CAMK1D: variants seen among roughly 807,000 people sequenced by gnomAD.
CAMK1D encodes calcium/calmodulin-dependent protein kinase type 1D.
CAMK1D carries 9 observed loss-of-function variants against 47.7 expected under a neutral mutation model. The observed-to-expected ratio is 0.19, with a 90% CI of 0.11 to 0.33. The LOEUF (loss-of-function observed/expected upper bound fraction) is 0.33. CAMK1D is among the 10% of genes least tolerant of loss of function. The pLI is 1.00. For synonymous variants in CAMK1D, 184 were observed against 184.9 expected (o/e 0.99, Z 0.04); for missense variants, 291 against 488.7 (o/e 0.60, Z 3.81).
At chr10:12,547,014 G>C (rs563730544) in intron 1 of CAMK1D, among the ~76,000 whole-genome samples, 29 of 152,264 alleles carry the variant, frequency 1.9e-4, no homozygotes, top group African/African-American at 5.3e-4. Flanking sequence ...ACCAGAAGGG[G>C]CTCAGACTGT....
At chr10:12,587,689 C>T (rs888606220) in intron 2 of CAMK1D, among the ~76,000 whole-genome samples, 1 of 152,150 alleles carries the variant, frequency 6.6e-6, no homozygotes, top group African/African-American at 2.4e-5. Flanking sequence ...CTCATGCAGG[C>T]TGCAGTGGAA....
chr10:12,730,041 C>T (rs76967726), intron 3 of CAMK1D, among the ~76,000 whole-genome samples: 195 of 152,226 alleles, frequency 1.3e-3, no homozygotes, highest in African/African-American at 4.6e-3. Context: ...ATCCCACTTG[C>T]GTTTGAACAG....
At chr10:12,786,241 A>G (rs1837717128) in intron 5 of CAMK1D, among the ~76,000 whole-genome samples, 2 of 152,234 alleles carry the variant, frequency 1.3e-5, no homozygotes, top group African/African-American at 2.4e-5. Flanking sequence ...GCTGGGTGAC[A>G]TGTCACTTCT....
At chr10:12,630,846 CCATTTTTAGGGTGGGAGG>C (rs1839360232) in intron 2 of CAMK1D, among the ~76,000 whole-genome samples, 1 of 152,124 alleles carries the variant, frequency 6.6e-6, no homozygotes, top group Non-Finnish European at 1.5e-5. Flanking sequence ...TTGTAAAATG[CCATTTTTAGGGTGGGAGG>C]CTGTGGACTT....
chr10:12,544,043 G>A lies in CAMK1D; in HGVS notation c.93-9182G>A, dbSNP rs1002812620. Among the ~76,000 whole-genome samples, 11 of 152,150 alleles carry A rather than the reference G, an allele frequency of 7.2e-5. No individual in the cohort carries two copies. In the South Asian group the frequency reaches 8.3e-4, roughly 11 times the overall value. On this transcript the variant is annotated intron_variant, in intron 1 of 10. Transcript: ENST00000619168. ...TCAGCTCTCAAAAGATTATTTCCTC[G>A]CAGGCACCTGGCTTACAATCAGGAT... is the stretch of plus-strand genomic sequence containing the variant.
Position 12,525,819 on chromosome 10 carries a change from G to A in CAMK1D, c.93-27406G>A, listed in dbSNP as rs541451128. On this transcript the variant is annotated intron_variant, in intron 1 of 10. Coordinates refer to ENST00000619168, the MANE Select transcript of CAMK1D (RefSeq NM_153498.4). ...GTTGCCCAAACTGGAATGTAGTGGC[G>A]TGATCTCCGCTCAGTACAACCTCCA... Among the ~76,000 whole-genome samples the A allele has an allele frequency of 3.3e-5, 5 of 152,192 alleles. No individual in the cohort carries two copies. The South Asian group carries it at 8.3e-4, about 25-fold the overall frequency.
chr10:12,456,833 T>C (rs1197423490), intron 1 of CAMK1D, among the ~76,000 whole-genome samples: 2 of 145,750 alleles, frequency 1.4e-5, no homozygotes, highest in Admixed American at 6.8e-5. Context: ...TAAACAACCC[T>C]ACAGGAGGGG....
chr10:12,464,564 C>A (rs1298854255), intron 1 of CAMK1D, among the ~76,000 whole-genome samples: 1 of 152,178 alleles, frequency 6.6e-6, no homozygotes, highest in African/African-American at 2.4e-5. Flanking sequence ...GCCTGTAATC[C>A]CAGTACTTTG....
At chr10:12,454,587 C>T (rs895333672) in intron 1 of CAMK1D, among the ~76,000 whole-genome samples, 35 of 152,004 alleles carry the variant, frequency 2.3e-4, no homozygotes, top group African/African-American at 8.0e-4. Flanking sequence ...CTCAGCCTCC[C>T]GAGTAGCTGG....
At chr10:12,621,815 A>ATG (rs200674998) in intron 2 of CAMK1D, among the ~76,000 whole-genome samples, 86 of 120,506 alleles carry the variant, frequency 7.1e-4, no homozygotes, top group African/African-American at 2.1e-3. Flanking sequence ...GTGTGTGTGT[A>ATG]TGTGTGTGTG....
At chr10:12,390,212 A>G in intron 1 of CAMK1D, among the ~76,000 whole-genome samples, 1 of 152,194 alleles carries the variant, frequency 6.6e-6, no homozygotes, top group East Asian at 1.9e-4. Context: ...CAGTGGCCGA[A>G]GAACTATAAA....
chr10:12,762,657 G>C (rs904912799), intron 4 of CAMK1D, among the ~76,000 whole-genome samples: 14 of 152,310 alleles, frequency 9.2e-5, no homozygotes, highest in African/African-American at 2.6e-4. Flanking sequence ...ACTGCTCTTG[G>C]AAAACCACTG....
At position 12,791,187 on chromosome 10, in the gene CAMK1D, A is replaced by G. The variant is rs560397402; in HGVS notation, c.595A>G (p.Ser199Gly). 6.2e-7 allele frequency: 1 copy of G among 1,614,194 alleles called. No individual in the cohort carries two copies. Among genetic ancestry groups the G allele is most frequent in the Non-Finnish European group, 8.5e-7 (1 of 1,180,010 alleles). The change falls in exon 6 of 11, where the codon AGC (serine) becomes GGC (glycine). Residue 199 changes from serine to glycine, a missense_variant. Coordinates refer to ENST00000619168, the MANE Select transcript of CAMK1D (RefSeq NM_153498.4). ...TGAAGTCCTCGCCCAGAAACCTTAC[A>G]GCAAAGCCGTTGACTGCTGGTCCAT... ...APEVLAQKPY[S>G]KAVDCWSIGV...
At chr10:12,435,741 G>A (rs897134683) in intron 1 of CAMK1D, among the ~76,000 whole-genome samples, 6 of 152,188 alleles carry the variant, frequency 3.9e-5, no homozygotes, top group African/African-American at 1.2e-4. Context: ...GTGGCTGGAG[G>A]TATTTTCAGA....
chr10:12,380,217 A>G (rs1354810479), intron 1 of CAMK1D, among the ~76,000 whole-genome samples: 1 of 152,176 alleles, frequency 6.6e-6, no homozygotes, highest in Non-Finnish European at 1.5e-5. Flanking sequence ...TCTATCTCAA[A>G]AAAAAAGAAG....
chr10:12,693,587 G>T (rs1308837008), intron 3 of CAMK1D, among the ~76,000 whole-genome samples: 1 of 151,778 alleles, frequency 6.6e-6, no homozygotes, highest in Admixed American at 6.6e-5. Flanking sequence ...AGCTATAATT[G>T]TACCACTGCA....
At chr10:12,416,085 T>C (rs1319923464) in intron 1 of CAMK1D, 1 of 152,214 alleles carries the variant, frequency 6.6e-6, no homozygotes, top group Admixed American at 6.5e-5. Context: ...TGGGTTAGTC[T>C]TGTGCTACGA....
chr10:12,551,196 G>A lies in CAMK1D; in HGVS notation c.93-2029G>A, dbSNP rs140537286. On this transcript the variant is annotated intron_variant, in intron 1 of 10. Coordinates refer to ENST00000619168, the MANE Select transcript of CAMK1D (RefSeq NM_153498.4). ...CTTACAGCCACTCCCCATTGTTCAC[G>A]TTACCGCCTGAGCTCTGCCTCCTGT... 3.2e-3 allele frequency among the ~76,000 whole-genome samples: 490 copies of A among 152,300 alleles called. 3 individuals are homozygous for A. The highest frequency in any genetic ancestry group is 0.011 in the African/African-American group (447 of 41,566).
intron 3 of CAMK1D, among the ~76,000 whole-genome samples, chr10:12,727,919 C>T (rs1203478927): frequency 6.6e-6 from 1 of 152,136 alleles, no homozygotes; most frequent in Non-Finnish European, 1.5e-5. Context: ...GCATGTGCCA[C>T]TATGCCCAGC....
Sources: gnomAD v4.1 joint callset for allele counts (sites outside exome capture counted in the v4.1 genomes callset) on GRCh38, gnomAD v4.1.1 for gene constraint, MANE v1.5 for transcripts, NCBI Gene and HGNC (gene_info 2026-07-23, HGNC 2026-07-21) for gene names.